The following CTNNA3 variants were observed in gnomAD, a reference collection of about 807,000 sequenced individuals.
The protein encoded by CTNNA3 is catenin alpha-3.
In CTNNA3, 76 loss-of-function variants were observed where a neutral mutation model predicts 95.7. That is an observed-to-expected ratio of 0.79 (90% CI 0.66 to 0.96). CTNNA3 has a LOEUF of 0.96. CTNNA3 is among the 40% of genes least tolerant of loss of function. The probability of loss-of-function intolerance (pLI) is 0.00; values close to 1 mark genes in which losing one functional copy is unlikely to be tolerated. For missense variants in CTNNA3, 1,191 were observed against 1,089.8 expected, an observed-to-expected ratio of 1.09 and a Z score of -1.31; for synonymous variants, 431 against 374.4, an observed-to-expected ratio of 1.15 and a Z score of -1.74.
chr10:67,653,902 A>C (rs997776625), intron 1 of CTNNA3, among the ~76,000 whole-genome samples: 1 of 152,038 alleles, frequency 6.6e-6, no homozygotes, highest in Non-Finnish European at 1.5e-5. Flanking sequence ...ACGAGTGCAA[A>C]CCCACTTCCA....
chr10:66,642,277 CAA>C (rs58115352), intron 9 of CTNNA3, among the ~76,000 whole-genome samples: 8,387 of 51,408 alleles, frequency 0.16, 463 homozygotes, highest in East Asian at 0.43. Context: ...CACACACACA[CAA>C]ACACACACAC....
At chr10:66,429,028 G>T (rs2093270997) in intron 11 of CTNNA3, among the ~76,000 whole-genome samples, 1 of 151,924 alleles carries the variant, frequency 6.6e-6, no homozygotes, top group African/African-American at 2.4e-5. Flanking sequence ...AAGAAGAAAA[G>T]AGAGAAGAAT....
chr10:67,307,072 C>T (rs1309052012), intron 5 of CTNNA3, among the ~76,000 whole-genome samples: 2 of 152,176 alleles, frequency 1.3e-5, no homozygotes, highest in East Asian at 1.9e-4. Flanking sequence ...TGGAAACAAT[C>T]TACCTGAATT....
At position 67,144,989 on chromosome 10, in the gene CTNNA3, G is replaced by A. The variant is rs1339627020; in HGVS notation, c.1047+35328C>T. On this transcript the variant is annotated intron_variant, in intron 7 of 17. Transcript: ENST00000433211. ...GGCTCTTCCTTTCATTGAATACTTA[G>A]AGGGCACTGTAGGGTTATTACTTGG... 4.6e-5 allele frequency among the ~76,000 whole-genome samples: 7 copies of A among 152,148 alleles called. No individual in the cohort carries two copies. The East Asian group carries it at 1.4e-3, about 29-fold the overall frequency.
chr10:66,775,333 C>A, intron 8 of CTNNA3, 111 bp downstream of exon 8: 2 of 704,332 alleles, frequency 2.8e-6, no homozygotes, highest in South Asian at 2.2e-5. Flanking sequence ...TCTTTTTTTC[C>A]TGTTCTAAAT....
chr10:66,300,070 T>G (rs2091839326), intron 12 of CTNNA3, among the ~76,000 whole-genome samples: 1 of 151,858 alleles, frequency 6.6e-6, no homozygotes, highest in South Asian at 2.1e-4. Flanking sequence ...TTTTTTATAT[T>G]TTTAGTAGAG....
chr10:66,192,116 G>T (rs928511354), intron 13 of CTNNA3, among the ~76,000 whole-genome samples: 4 of 151,996 alleles, frequency 2.6e-5, no homozygotes, highest in African/African-American at 9.7e-5. Context: ...TACAGTCTTT[G>T]GTATTCTGTT....
intron 13 of CTNNA3, among the ~76,000 whole-genome samples, chr10:66,233,032 C>T (rs1040935735): frequency 2.4e-4 from 37 of 151,682 alleles, no homozygotes; most frequent in African/African-American, 7.0e-4. Context: ...TGGTGGTGTG[C>T]GCCTGTAGTC....
chr10:67,231,982 G>A lies in CTNNA3; in HGVS notation c.580-12112C>T, dbSNP rs578026755. On this transcript the variant is annotated intron_variant, in intron 5 of 17. Coordinates refer to ENST00000433211, the MANE Select transcript of CTNNA3 (RefSeq NM_013266.4). ...GACAAAAAAGAATAAAAAGAAACGA[G>A]CAAAGCCTCCAAGAAATATGGGACT... is the stretch of plus-strand genomic sequence containing the variant. Among the ~76,000 whole-genome samples the A allele has an allele frequency of 2.6e-4, 39 of 152,234 alleles. No homozygotes were observed. In the East Asian group the frequency reaches 2.9e-3, roughly 11 times the overall value.
chr10:67,406,881 C>A (rs1845156938), intron 5 of CTNNA3, among the ~76,000 whole-genome samples: 1 of 152,178 alleles, frequency 6.6e-6, no homozygotes, highest in South Asian at 2.1e-4. Context: ...GAAACTGAGT[C>A]CCTGAACAGA....
intron 5 of CTNNA3, among the ~76,000 whole-genome samples, chr10:67,335,254 T>C (rs1841954471): frequency 6.6e-6 from 1 of 152,148 alleles, no homozygotes; most frequent in African/African-American, 2.4e-5. Flanking sequence ...GAGGCTGCAA[T>C]GGAATGGAGT....
intron 5 of CTNNA3, among the ~76,000 whole-genome samples, chr10:67,387,483 A>T (rs1022998823): frequency 6.6e-6 from 1 of 152,030 alleles, no homozygotes; most frequent in Non-Finnish European, 1.5e-5. Flanking sequence ...AGGCTGGGGG[A>T]GGGGCGCCCA....
chr10:66,981,281 A>C (rs1467997552), intron 7 of CTNNA3, among the ~76,000 whole-genome samples: 3 of 152,224 alleles, frequency 2.0e-5, no homozygotes, highest in Non-Finnish European at 4.4e-5. Flanking sequence ...GAATGATTAC[A>C]TTTATAGCTG....
intron 5 of CTNNA3, among the ~76,000 whole-genome samples, chr10:67,391,395 GAAAT>G (rs1844477096): frequency 6.6e-6 from 1 of 151,798 alleles, no homozygotes; most frequent in Non-Finnish European, 1.5e-5. Context: ...ACTGCTCAAG[GAAAT>G]AAAAGAGGAT....
At chr10:67,326,361 C>G (rs1841537341) in intron 5 of CTNNA3, among the ~76,000 whole-genome samples, 1 of 152,140 alleles carries the variant, frequency 6.6e-6, no homozygotes, top group Non-Finnish European at 1.5e-5. Flanking sequence ...TAGTGGCTGA[C>G]AACAGTCTTT....
At chr10:66,466,840 C>T (rs1384378053) in intron 11 of CTNNA3, among the ~76,000 whole-genome samples, 1 of 152,114 alleles carries the variant, frequency 6.6e-6, no homozygotes. Flanking sequence ...CATGTCAATG[C>T]TTGAAAAGAA....
chr10:67,582,889 T>A (rs954691497), intron 3 of CTNNA3, among the ~76,000 whole-genome samples: 118 of 148,406 alleles, frequency 8.0e-4, no homozygotes, highest in African/African-American at 3.0e-3. Context: ...AACCCCTGCC[T>A]TTTTTTGTTT....
chr10:67,620,249 A>T (rs890912617), intron 2 of CTNNA3, among the ~76,000 whole-genome samples: 2 of 152,180 alleles, frequency 1.3e-5, no homozygotes, highest in African/African-American at 4.8e-5. Context: ...GGACATCAAG[A>T]AATGCACAGA....
chr10:65,941,132 T>C (rs2077424407), intron 17 of CTNNA3, among the ~76,000 whole-genome samples: 1 of 152,252 alleles, frequency 6.6e-6, no homozygotes, highest in Admixed American at 6.5e-5. Flanking sequence ...TGCTAGGCAT[T>C]GTTAAATAGC....
Sources: gnomAD v4.1 joint callset for allele counts (sites outside exome capture counted in the v4.1 genomes callset) on GRCh38, gnomAD v4.1.1 for gene constraint, MANE v1.5 for transcripts, NCBI Gene and HGNC (gene_info 2026-07-23, HGNC 2026-07-21) for gene names.